The following TRAPPC10 variants were observed in gnomAD, a reference collection of about 807,000 sequenced individuals.
TRAPPC10 encodes trafficking protein particle complex subunit 10, also known as TRAPP 130 kDa subunit.
Under a neutral mutation model 125.5 loss-of-function variants are expected in TRAPPC10, and 23 were observed. That is an observed-to-expected ratio of 0.18 (90% CI 0.13 to 0.26). The LOEUF (loss-of-function observed/expected upper bound fraction) is 0.26, where lower values mean the gene tolerates loss of function less well. Ranked by LOEUF, TRAPPC10 falls within the 10% of genes least tolerant of loss-of-function variation. The pLI, the probability that TRAPPC10 is intolerant of heterozygous loss-of-function variation, is 1.00. For synonymous variants in TRAPPC10, 509 were observed against 518.0 expected (o/e 0.98, Z 0.24); for missense variants, 1,123 against 1,308.4 (o/e 0.86, Z 2.19).
At chr21:44,036,172 C>T (rs2033965335) in intron 2 of TRAPPC10, among the ~76,000 whole-genome samples, 1 of 152,124 alleles carries the variant, frequency 6.6e-6, no homozygotes, top group Admixed American at 6.5e-5. Context: ...ATGAAGAAAA[C>T]AAAGCAAACA....
At chr21:44,062,663 G>A (rs535289461) in intron 6 of TRAPPC10, 11 of 984,374 alleles carry the variant, frequency 1.1e-5, no homozygotes, top group African/African-American at 1.8e-5. Flanking sequence ...CTGGGCCAGC[G>A]GGTCCACTCC....
At chr21:44,012,983 C>T (rs940064773) in intron 1 of TRAPPC10, among the ~76,000 whole-genome samples, 1 of 152,184 alleles carries the variant, frequency 6.6e-6, no homozygotes, top group African/African-American at 2.4e-5. Flanking sequence ...ACGGGGAAGT[C>T]CTTGGGGGCT....
chr21:44,020,559 A>G (rs2032402138), intron 1 of TRAPPC10, among the ~76,000 whole-genome samples: 1 of 152,110 alleles, frequency 6.6e-6, no homozygotes, highest in African/African-American at 2.4e-5. Context: ...GCTTGAGCCC[A>G]GGAATTTGAG....
At chr21:44,019,247 G>C (rs911313054) in intron 1 of TRAPPC10, among the ~76,000 whole-genome samples, 1 of 152,058 alleles carries the variant, frequency 6.6e-6, no homozygotes, top group Non-Finnish European at 1.5e-5. Context: ...ATGGGGTTTC[G>C]CCATGTTGCC....
chr21:44,079,716 T>C lies in TRAPPC10; in HGVS notation c.1610+12T>C, dbSNP rs766059631. ...GGACAAATTGAAAAGTATCCTTTAA[T>C]GTTTTCATGAAGCAGGAAAATTATT... On this transcript the variant is annotated intron_variant, in intron 12 of 22. Coordinates refer to ENST00000291574, the MANE Select transcript of TRAPPC10 (RefSeq NM_003274.5). 2 of 1,596,280 alleles carry C rather than the reference T, an allele frequency of 1.3e-6. No individual in the cohort carries two copies. The highest frequency in any genetic ancestry group is 2.3e-5 in the South Asian group (2 of 86,800).
At chr21:44,016,176 C>T (rs763245001) in intron 1 of TRAPPC10, among the ~76,000 whole-genome samples, 3 of 152,128 alleles carry the variant, frequency 2.0e-5, no homozygotes, top group Non-Finnish European at 2.9e-5. Flanking sequence ...AAATGCCTGG[C>T]GTAACTGAAA....
rs986749399 is a variant in TRAPPC10 at position 44,027,573 on chromosome 21, C to T, written c.68-4518C>T. Reference sequence around the variant, plus strand: ...ACCTGGGTTCGAATCCCAGCCTTGGCGCTCATTTGCTTGATGTTGGGCCAA... The same window carrying T: ...ACCTGGGTTCGAATCCCAGCCTTGGTGCTCATTTGCTTGATGTTGGGCCAA... On this transcript the variant is annotated intron_variant, in intron 1 of 22. Coordinates refer to ENST00000291574, the MANE Select transcript of TRAPPC10 (RefSeq NM_003274.5). Among the ~76,000 whole-genome samples, 12 of 152,138 alleles carry T rather than the reference C, an allele frequency of 7.9e-5. No individual in the cohort carries two copies. The South Asian group carries it at 8.3e-4, about 11-fold the overall frequency.
At position 44,094,209 on chromosome 21, in the gene TRAPPC10, T is replaced by C. The variant is rs747046367; in HGVS notation, c.3144T>C (p.Tyr1048=). 12 of 1,610,990 alleles carry C rather than the reference T, an allele frequency of 7.4e-6. No homozygotes were observed. The Admixed American group carries it at 1.2e-4, about 16-fold the overall frequency. ...CTATCTCCTTAAAGCCGTATACTTA[T>C]GAATTTAAAGTGGAAAATTTTTTTG... is the stretch of plus-strand genomic sequence containing the variant. ...QLSISLKPYT[Y]EFKVENFFTL... The change falls in exon 20 of 23, where the codon TAT becomes TAC. Residue 1048 remains tyrosine, a synonymous_variant. Transcript: ENST00000291574.
At chr21:44,089,680 G>A in intron 17 of TRAPPC10, 153 bp from the exon 18 acceptor site, 1 of 656,950 alleles carries the variant, frequency 1.5e-6, no homozygotes, top group Non-Finnish European at 2.8e-6. Context: ...TATGTGTTGG[G>A]TAAGGCTTTG....
rs374074847 is a variant in TRAPPC10 at position 44,063,701 on chromosome 21, G to C, written c.954G>C (p.Leu318=). 55 of 1,614,046 alleles carry C rather than the reference G, an allele frequency of 3.4e-5. No individual in the cohort carries two copies. The South Asian group carries it at 4.8e-4, about 14-fold the overall frequency. The change falls in exon 7 of 23, where the codon CTG becomes CTC. Residue 318 remains leucine, a synonymous_variant. Coordinates refer to ENST00000291574, the MANE Select transcript of TRAPPC10 (RefSeq NM_003274.5). The surrounding 1 kb of genome is among the most constrained non-coding windows in gnomAD (Gnocchi z 4.4). ...TGTTCTCTCGCCAGTGCACCTTGCT[G>C]CTCTTCCTGCAGAGGCCGTGGGAGG... is the stretch of plus-strand genomic sequence containing the variant. ...SYLFSRQCTL[L]LFLQRPWEVA...
rs765210560 is a variant in TRAPPC10 at position 44,079,964 on chromosome 21, C to A, written c.1611-51C>A. 6.6e-6 allele frequency: 10 copies of A among 1,516,426 alleles called. No individual in the cohort carries two copies. The East Asian group carries it at 1.8e-4, about 28-fold the overall frequency. The allele number at this position is 1,516,426 out of a possible 1,614,324, so 93.9% of individuals were successfully genotyped here. A position where few individuals can be genotyped will look rare whatever the true frequency, so the allele number is the denominator to read the frequency against. On this transcript the variant is annotated intron_variant, in intron 12 of 22. Transcript: ENST00000291574. ...GTAGGAGACTTTGCATCCACTTCCCCCCGCACTCCTAAGTATGAGCCTCTC... is the reference window on the plus strand; with the variant it reads ...GTAGGAGACTTTGCATCCACTTCCCACCGCACTCCTAAGTATGAGCCTCTC...
chr21:44,058,520 C>T (rs913348053), intron 5 of TRAPPC10, among the ~76,000 whole-genome samples: 3 of 152,184 alleles, frequency 2.0e-5, no homozygotes, highest in Non-Finnish European at 4.4e-5. Flanking sequence ...GGGTGGAGCA[C>T]TTTGTGGGAA....
chr21:44,079,620 A>G lies in TRAPPC10; in HGVS notation c.1526A>G (p.Tyr509Cys), dbSNP rs2037536084. ...EIYLQGALKN[Y>C]LAEGWALPIT... is the part of the protein sequence containing the mutation. The stretch of plus-strand genomic sequence containing the variant: ...TATCTTCAAGGAGCACTGAAAAACT[A>G]CCTGGCTGAGGGCTGGGCACTCCCC... Residue 509 changes from tyrosine (Y) to cysteine (C), a missense_variant, in exon 12 of 23, where the codon TAC (tyrosine) becomes TGC (cysteine). Physicochemically the swap from Tyr to Cys is radical, Grantham distance 194. Coordinates refer to ENST00000291574, the MANE Select transcript of TRAPPC10 (RefSeq NM_003274.5). 6.2e-7 allele frequency: 1 copy of G among 1,609,720 alleles called. No individual in the cohort carries two copies. The highest frequency in any genetic ancestry group is 8.5e-7 in the Non-Finnish European group (1 of 1,179,066).
chr21:44,062,954 G>A (rs563559786), intron 6 of TRAPPC10: 10 of 1,294,952 alleles, frequency 7.7e-6, no homozygotes, highest in East Asian at 5.6e-5. Flanking sequence ...TCTTAGGGAT[G>A]TAAGTAAACC....
At chr21:44,056,072 T>C (rs775427943) in intron 5 of TRAPPC10, among the ~76,000 whole-genome samples, 179 bp downstream of exon 5, 6 of 152,178 alleles carry the variant, frequency 3.9e-5, no homozygotes, top group Non-Finnish European at 8.8e-5. Flanking sequence ...TGGAAGCAGA[T>C]GGGGCATGAA....
At chr21:44,025,076 T>G (rs1601570794) in intron 1 of TRAPPC10, among the ~76,000 whole-genome samples, 1 of 152,236 alleles carries the variant, frequency 6.6e-6, no homozygotes, top group East Asian at 1.9e-4. Flanking sequence ...TGAGTTGTTT[T>G]GTGTTTTACT....
intron 7 of TRAPPC10, among the ~76,000 whole-genome samples, chr21:44,071,224 G>A (rs1211314420): frequency 6.6e-6 from 1 of 152,182 alleles, no homozygotes; most frequent in African/African-American, 2.4e-5. Flanking sequence ...CCTCTTTGGG[G>A]TGGATCTTGA....
At chr21:44,035,054 G>A (rs776719055) in intron 2 of TRAPPC10, among the ~76,000 whole-genome samples, 1 of 152,242 alleles carries the variant, frequency 6.6e-6, no homozygotes, top group Non-Finnish European at 1.5e-5. Flanking sequence ...ATGCAGGAGG[G>A]CAGGTTGAGG....
chr21:44,032,541 C>A lies in TRAPPC10; in HGVS notation c.149+369C>A, dbSNP rs371654506. Among the ~76,000 whole-genome samples, 5 of 152,178 alleles carry A rather than the reference C, an allele frequency of 3.3e-5. No homozygotes were observed. In the East Asian group the frequency reaches 7.7e-4, roughly 24 times the overall value. ...GGGATTACAGGTGTGCGCTACCGCA[C>A]CCGGCTAATTTTTGTAGTTTTAGTA... On this transcript the variant is annotated intron_variant, in intron 2 of 22. Transcript: ENST00000291574.
Sources: gnomAD v4.1 joint callset for allele counts (sites outside exome capture counted in the v4.1 genomes callset) on GRCh38, gnomAD v4.1.1 for gene constraint, Gnocchi (gnomAD v3.1) non-coding constraint, MANE v1.5 for transcripts, NCBI Gene and HGNC (gene_info 2026-07-23, HGNC 2026-07-21) for gene names.